CEP83: variants seen among roughly 807,000 people sequenced by gnomAD.
CEP83 encodes centrosomal protein of 83 kDa.
CEP83 carries 70 observed loss-of-function variants against 101.9 expected under a neutral mutation model. The ratio of observed to expected loss-of-function variants is 0.69; its 90% CI spans 0.57 to 0.84. CEP83 has a LOEUF of 0.84. Among genes scored for constraint, CEP83 ranks in the 40% least tolerant of loss-of-function variants. The pLI, the probability that CEP83 is intolerant of heterozygous loss-of-function variation, is 0.00. For synonymous variants in CEP83, 264 were observed against 267.9 expected (o/e 0.99, Z 0.14); for missense variants, 715 against 787.2 (o/e 0.91, Z 1.10).
At chr12:94,341,817 A>C (rs1427456529) in intron 11 of CEP83, among the ~76,000 whole-genome samples, 2 of 152,232 alleles carry the variant, frequency 1.3e-5, no homozygotes, top group Non-Finnish European at 2.9e-5. Context: ...TATTGTGTTC[A>C]AGTAATGACA....
At chr12:94,394,927 A>G (rs973628221) in intron 6 of CEP83, among the ~76,000 whole-genome samples, 58 of 152,256 alleles carry the variant, frequency 3.8e-4, no homozygotes, top group African/African-American at 1.4e-3. Context: ...ATGAGATACC[A>G]TCTCACGCCA....
At chr12:94,342,987 C>G (rs1403068435) in intron 11 of CEP83, among the ~76,000 whole-genome samples, 1 of 151,880 alleles carries the variant, frequency 6.6e-6, no homozygotes, top group African/African-American at 2.4e-5. Context: ...TTGTACAAGA[C>G]AAATCAAGTG....
chr12:94,421,296 C>G lies in CEP83; in HGVS notation c.-101-8705G>C, dbSNP rs115975836. On this transcript the variant is annotated intron_variant, in intron 2 of 16. Transcript: ENST00000397809. ...CTTGGCTTGAACTCCCACACTCAAG[C>G]CATCCTCCCACCTTGACCTGCTAAA... is the stretch of plus-strand genomic sequence containing the variant. Among the ~76,000 whole-genome samples, 869 of 152,164 alleles carry G rather than the reference C, an allele frequency of 5.7e-3. 4 individuals are homozygous for G. The highest frequency in any genetic ancestry group is 0.02 in the African/African-American group (816 of 41,518).
intron 2 of CEP83, among the ~76,000 whole-genome samples, chr12:94,417,347 A>C (rs1037549592): frequency 2.0e-5 from 3 of 151,940 alleles, no homozygotes; most frequent in Admixed American, 2.0e-4. Flanking sequence ...AAACAAAAAA[A>C]CCTTGTACTT....
At chr12:94,384,281 T>C (rs2062011010) in intron 6 of CEP83, among the ~76,000 whole-genome samples, 1 of 152,198 alleles carries the variant, frequency 6.6e-6, no homozygotes, top group South Asian at 2.1e-4. Flanking sequence ...TTCTGGCCTC[T>C]GATTTCTGAT....
At chr12:94,443,319 T>C (rs2066558214) in intron 1 of CEP83, among the ~76,000 whole-genome samples, 1 of 152,166 alleles carries the variant, frequency 6.6e-6, no homozygotes. Flanking sequence ...TTCTTAAACC[T>C]TGTCTATTAA....
the CEP83 span, among the ~76,000 whole-genome samples, chr12:94,278,373 G>C: frequency 1.3e-5 from 2 of 152,166 alleles, no homozygotes; most frequent in African/African-American, 4.8e-5. Flanking sequence ...GTAAAACTTT[G>C]TTGTTTTAGA....
Position 94,308,002 on chromosome 12 carries a change from G to T in CEP83, c.*811C>A, listed in dbSNP as rs546854133. 1 of 152,194 alleles carries T rather than the reference G, an allele frequency of 6.6e-6. No individual in the cohort carries two copies. The highest frequency in any genetic ancestry group is 2.1e-4 in the South Asian group (1 of 4,820). The allele number at this position is 152,194 out of a possible 1,614,324, so 9.4% of individuals were successfully genotyped here. A position where few individuals can be genotyped will look rare whatever the true frequency, so the allele number is the denominator to read the frequency against. ...CTCTAAAAGATGTCACATTAAAAAG[G>T]CTTCCAATGGGTGTAGACCAAAAAA... On this transcript the variant is annotated 3_prime_UTR_variant, in exon 17 of 17. Transcript: ENST00000397809.
intron 13 of CEP83, among the ~76,000 whole-genome samples, chr12:94,332,781 T>C (rs1052885042): frequency 3.3e-5 from 5 of 152,080 alleles, no homozygotes; most frequent in African/African-American, 4.8e-5. Context: ...TATGTAATAA[T>C]AGAAAAACTG....
chr12:94,336,566 A>C (rs535350685), intron 11 of CEP83, among the ~76,000 whole-genome samples: 8 of 152,352 alleles, frequency 5.3e-5, no homozygotes, highest in African/African-American at 1.7e-4. Context: ...ACCAACCCAA[A>C]TCATGGATTA....
At chr12:94,443,296 A>C (rs1307514069) in intron 1 of CEP83, among the ~76,000 whole-genome samples, 1 of 149,386 alleles carries the variant, frequency 6.7e-6, no homozygotes, top group African/African-American at 2.4e-5. Flanking sequence ...CAGTTATGCC[A>C]AATTAAAATA....
chr12:94,377,078 G>T (rs2061592325), intron 7 of CEP83, among the ~76,000 whole-genome samples: 1 of 152,022 alleles, frequency 6.6e-6, no homozygotes, highest in Non-Finnish European at 1.5e-5. Context: ...GGCATTTAAA[G>T]GATAAATTTC....
At chr12:94,377,236 C>T (rs376847038) in intron 7 of CEP83, among the ~76,000 whole-genome samples, 1 of 152,088 alleles carries the variant, frequency 6.6e-6, no homozygotes, top group African/African-American at 2.4e-5. Context: ...GTGCATTAGC[C>T]TACAGTTGGA....
intron 2 of CEP83, among the ~76,000 whole-genome samples, chr12:94,431,413 C>T (rs900730383): frequency 1.3e-5 from 2 of 151,922 alleles, no homozygotes; most frequent in African/African-American, 4.8e-5. Context: ...ACTTCAAAAG[C>T]ACAGAAAACA....
intron 6 of CEP83, among the ~76,000 whole-genome samples, chr12:94,400,297 A>T (rs994193765): frequency 6.6e-6 from 1 of 152,240 alleles, no homozygotes; most frequent in Non-Finnish European, 1.5e-5. Context: ...ACGAGTAGAA[A>T]GGCTGCCAAA....
At chr12:94,277,953 TCC>T in the CEP83 span, 1 of 456,060 alleles carries the variant, frequency 2.2e-6, no homozygotes, top group Non-Finnish European at 4.4e-6. Flanking sequence ...TTTTCATCTC[TCC>T]CCTGAGCCCT....
chr12:94,368,463 A>G (rs1478590420), intron 9 of CEP83: 1 of 309,776 alleles, frequency 3.2e-6, no homozygotes, highest in Non-Finnish European at 5.9e-6. Flanking sequence ...GTATACATTT[A>G]CTCATTCGAA....
intron 9 of CEP83, chr12:94,369,159 T>G (rs1263876749): frequency 6.6e-6 from 1 of 152,134 alleles, no homozygotes; most frequent in Non-Finnish European, 1.5e-5. Context: ...AACTGGAACT[T>G]AAAAATAAGC....
chr12:94,298,574 T>C, the CEP83 span: 4 of 1,397,398 alleles, frequency 2.9e-6, no homozygotes, highest in Non-Finnish European at 3.9e-6. Context: ...GCTATTATGT[T>C]TTCAAAACCA....
Sources: gnomAD v4.1 joint callset for allele counts (sites outside exome capture counted in the v4.1 genomes callset) on GRCh38, gnomAD v4.1.1 for gene constraint, MANE v1.5 for transcripts, NCBI Gene and HGNC (gene_info 2026-07-23, HGNC 2026-07-21) for gene names.